HDAC9: variants seen among roughly 807,000 people sequenced by gnomAD.
HDAC9 encodes the protein MEF-2 interacting transcription repressor (MITR) protein.
In HDAC9, 41 loss-of-function variants were observed where a neutral mutation model predicts 139.4. The ratio of observed to expected loss-of-function variants is 0.29; its 90% CI spans 0.23 to 0.38. The LOEUF is 0.38. HDAC9 is among the 10% of genes least tolerant of loss of function. HDAC9 has a pLI of 1.00. For missense variants in HDAC9, 1,147 were observed against 1,297.0 expected, an observed-to-expected ratio of 0.88 and a Z score of 1.78; for synonymous variants, 517 against 476.2, an observed-to-expected ratio of 1.09 and a Z score of -1.12.
At chr7:18,934,880 A>T (rs868290231) in intron 22 of HDAC9, among the ~76,000 whole-genome samples, 4 of 152,288 alleles carry the variant, frequency 2.6e-5, no homozygotes, top group Middle Eastern at 6.8e-3. Context: ...CGACAAAAAA[A>T]CTGGAATTTG....
At chr7:18,922,083 T>TGG (rs527469781) in intron 22 of HDAC9, among the ~76,000 whole-genome samples, 14 of 76,344 alleles carry the variant, frequency 1.8e-4, no homozygotes, top group Admixed American at 6.3e-4. Flanking sequence ...TGTTGTGGGG[T>TGG]GGGGGGAGGG....
At chr7:18,235,831 C>A (rs1031601416) in intron 2 of HDAC9, among the ~76,000 whole-genome samples, 47 of 152,150 alleles carry the variant, frequency 3.1e-4, no homozygotes, top group Non-Finnish European at 1.0e-4. Flanking sequence ...CTAGTCATTT[C>A]TCTTCACTGT....
intron 2 of HDAC9, among the ~76,000 whole-genome samples, chr7:18,178,587 C>T (rs1282532287): frequency 6.6e-6 from 1 of 152,180 alleles, no homozygotes; most frequent in Non-Finnish European, 1.5e-5. Flanking sequence ...CTCCCTGTTT[C>T]AATGCTTATA....
At position 18,851,774 on chromosome 7, in the gene HDAC9, C is replaced by G. The variant is rs146969074; in HGVS notation, c.2684+15777C>G. ...TTAAAATTCCATTAACACCAAATGT[C>G]TAATTATTCCTGTCTTGTAAACTGC... On this transcript the variant is annotated intron_variant, in intron 21 of 25. Transcript: ENST00000686413. 5.8e-3 allele frequency among the ~76,000 whole-genome samples: 879 copies of G among 152,310 alleles called. 15 individuals carry two copies. The highest frequency in any genetic ancestry group is 0.02 in the African/African-American group (821 of 41,572).
At chr7:18,987,996 T>G (rs1023330683) in intron 25 of HDAC9, among the ~76,000 whole-genome samples, 3 of 152,254 alleles carry the variant, frequency 2.0e-5, no homozygotes, top group Admixed American at 6.5e-5. Flanking sequence ...CTAGCAATTT[T>G]GTTGATCCTT....
intron 1 of HDAC9, among the ~76,000 whole-genome samples, chr7:18,432,008 A>G (rs1790719569): frequency 6.6e-6 from 1 of 152,232 alleles, no homozygotes; most frequent in Non-Finnish European, 1.5e-5. Context: ...CTGGGCAAGT[A>G]CTGGTTGAAG....
At chr7:18,758,849 C>A (rs566260273) in intron 14 of HDAC9, among the ~76,000 whole-genome samples, 5 of 151,184 alleles carry the variant, frequency 3.3e-5, no homozygotes, top group Non-Finnish European at 7.4e-5. Context: ...GAAACATGTG[C>A]ACTATGTTTG....
intron 2 of HDAC9, among the ~76,000 whole-genome samples, chr7:18,565,260 T>C (rs944715027): frequency 3.1e-4 from 47 of 152,156 alleles, no homozygotes; most frequent in Non-Finnish European, 6.6e-4. Context: ...CCTCCCAAAG[T>C]GTTGGGATTA....
chr7:18,467,538 A>G (rs987751346), intron 1 of HDAC9, among the ~76,000 whole-genome samples: 34 of 152,130 alleles, frequency 2.2e-4, no homozygotes. Flanking sequence ...AAAATTCTAT[A>G]CTTGCCATTT....
At chr7:18,920,490 T>C (rs1293580703) in intron 22 of HDAC9, among the ~76,000 whole-genome samples, 1 of 152,116 alleles carries the variant, frequency 6.6e-6, no homozygotes, top group Non-Finnish European at 1.5e-5. Context: ...TTTATTTCCT[T>C]CTCCTGCCTG....
At chr7:18,610,847 C>T (rs2128907922) in intron 6 of HDAC9, among the ~76,000 whole-genome samples, 1 of 152,288 alleles carries the variant, frequency 6.6e-6, no homozygotes, top group South Asian at 2.1e-4. Flanking sequence ...TTTGCCTTTG[C>T]TGCTGTGCTA....
chr7:18,301,365 A>G (rs1798525822), intron 1 of HDAC9, among the ~76,000 whole-genome samples: 1 of 152,140 alleles, frequency 6.6e-6, no homozygotes, highest in Non-Finnish European at 1.5e-5. Flanking sequence ...ATAGAGCAGG[A>G]CATTGTTGTC....
chr7:18,913,602 C>T (rs1802929061), intron 22 of HDAC9, among the ~76,000 whole-genome samples: 1 of 151,986 alleles, frequency 6.6e-6, no homozygotes, highest in Non-Finnish European at 1.5e-5. Flanking sequence ...TAGCAGCCTT[C>T]CTAATTAATA....
At chr7:18,531,245 G>T (rs1808831785) in intron 2 of HDAC9, among the ~76,000 whole-genome samples, 1 of 152,084 alleles carries the variant, frequency 6.6e-6, no homozygotes, top group Non-Finnish European at 1.5e-5. Context: ...TTTCTAAGTT[G>T]TTGAGATATG....
intron 17 of HDAC9, among the ~76,000 whole-genome samples, chr7:18,811,373 T>G (rs1310141976): frequency 6.6e-6 from 1 of 151,858 alleles, no homozygotes; most frequent in Non-Finnish European, 1.5e-5. Context: ...AATACAGCAT[T>G]TATTGCTATA....
intron 22 of HDAC9, among the ~76,000 whole-genome samples, chr7:18,906,517 T>C (rs1237400536): frequency 1.3e-5 from 2 of 152,144 alleles, no homozygotes; most frequent in Non-Finnish European, 2.9e-5. Context: ...ACATTTTGAG[T>C]TGTTAAGATA....
intron 2 of HDAC9, among the ~76,000 whole-genome samples, chr7:18,523,884 C>G (rs13233302): frequency 1.3e-5 from 2 of 151,250 alleles, no homozygotes; most frequent in African/African-American, 4.9e-5. Flanking sequence ...AATGTAGACC[C>G]CGCCCTCCCC....
At chr7:18,815,287 C>T (rs1331153895) in intron 17 of HDAC9, among the ~76,000 whole-genome samples, 1 of 151,236 alleles carries the variant, frequency 6.6e-6, no homozygotes, top group African/African-American at 2.4e-5. Context: ...TCAATGTGAT[C>T]CAAAAATCAG....
intron 22 of HDAC9, among the ~76,000 whole-genome samples, chr7:18,891,621 G>C (rs572848757): frequency 6.6e-6 from 1 of 152,246 alleles, no homozygotes; most frequent in South Asian, 2.1e-4. Flanking sequence ...AGTCTTTCCA[G>C]GGTGCTTGGG....
Sources: allele counts gnomAD v4.1 joint callset (sites outside exome capture counted in the v4.1 genomes callset), GRCh38; gene constraint gnomAD v4.1.1; transcripts MANE v1.5; gene names NCBI Gene and HGNC (gene_info 2026-07-23, HGNC 2026-07-21).